SUMF1: variants seen among roughly 807,000 people sequenced by gnomAD.
SUMF1 encodes sulfatase modifying factor 1.
Under a neutral mutation model 47.6 loss-of-function variants are expected in SUMF1, and 48 were observed. The ratio of observed to expected loss-of-function variants is 1.01; its 90% CI spans 0.80 to 1.28. The LOEUF (loss-of-function observed/expected upper bound fraction) is 1.28. Among genes scored for constraint, SUMF1 ranks in the 50% most tolerant of loss-of-function variants. The probability of loss-of-function intolerance (pLI) is 0.00; values close to 1 mark genes in which losing one functional copy is unlikely to be tolerated. For synonymous variants in SUMF1, 230 were observed against 192.1 expected (o/e 1.20, Z -1.63); for missense variants, 571 against 485.4 (o/e 1.18, Z -1.66).
chr3:4,332,915 A>C (rs1158787668), intron 8 of SUMF1, among the ~76,000 whole-genome samples: 4 of 152,192 alleles, frequency 2.6e-5, no homozygotes, highest in Non-Finnish European at 4.4e-5. Context: ...GGCAACAAGC[A>C]GACAAATGGT....
intron 8 of SUMF1, among the ~76,000 whole-genome samples, chr3:4,362,647 C>T (rs550506415): frequency 3.9e-5 from 6 of 152,248 alleles, no homozygotes; most frequent in Non-Finnish European, 5.9e-5. Flanking sequence ...TGAGGCCAGG[C>T]GCACTGGCTC....
At chr3:4,357,176 G>A (rs1048224956), downstream of SUMF1, among the ~76,000 whole-genome samples, 3 of 152,116 alleles carry the variant, frequency 2.0e-5, no homozygotes, top group South Asian at 2.1e-4. Flanking sequence ...AGGAAGGAGG[G>A]AAGGAGGGAG....
At chr3:4,428,468 C>T (rs59141665) in intron 3 of SUMF1, among the ~76,000 whole-genome samples, 50,186 of 152,014 alleles carry the variant, frequency 0.33, 9,139 homozygotes, top group Middle Eastern at 0.43. Context: ...ATCCTCCCAC[C>T]TCAGCCTTAC....
chr3:4,453,751 C>G (rs1703059758), intron 1 of SUMF1, among the ~76,000 whole-genome samples: 1 of 152,022 alleles, frequency 6.6e-6, no homozygotes, highest in African/African-American at 2.4e-5. Flanking sequence ...CCAGGCTGGT[C>G]TTGAACTCCT....
chr3:4,045,637 G>A (rs967279634), intron 9 of SUMF1, among the ~76,000 whole-genome samples: 1 of 151,844 alleles, frequency 6.6e-6, no homozygotes, highest in African/African-American at 2.4e-5. Context: ...TTCCTAACAG[G>A]CCTTGTGATT....
intron 8 of SUMF1, among the ~76,000 whole-genome samples, chr3:4,355,966 G>T (rs1426137708): frequency 6.6e-6 from 1 of 152,174 alleles, no homozygotes; most frequent in African/African-American, 2.4e-5. Flanking sequence ...AATAGGGCAA[G>T]TTTCAGGAAA....
intron 8 of SUMF1, among the ~76,000 whole-genome samples, chr3:4,187,714 G>A (rs1485327446): frequency 6.6e-6 from 1 of 152,130 alleles, no homozygotes; most frequent in Non-Finnish European, 1.5e-5. Flanking sequence ...GTGTAGAGGA[G>A]TGACTATGTT....
At chr3:4,050,596 C>T (rs750027730) in intron 9 of SUMF1, among the ~76,000 whole-genome samples, 54 of 150,936 alleles carry the variant, frequency 3.6e-4, no homozygotes, top group Non-Finnish European at 5.9e-4. Context: ...ACAAAAAATT[C>T]GTCAGGTGTG....
intron 8 of SUMF1, among the ~76,000 whole-genome samples, chr3:4,072,337 T>A (rs1695547370): frequency 6.6e-6 from 1 of 151,862 alleles, no homozygotes; most frequent in South Asian, 2.1e-4. Context: ...GTCACCAACA[T>A]CAAAGACCAA....
chr3:4,266,095 G>A (rs1455746273), intron 8 of SUMF1, among the ~76,000 whole-genome samples: 1 of 152,176 alleles, frequency 6.6e-6, no homozygotes, highest in Non-Finnish European at 1.5e-5. Context: ...CTAGATCTCT[G>A]TTTTGATACC....
intron 8 of SUMF1, among the ~76,000 whole-genome samples, chr3:4,230,068 G>T (rs930113558): frequency 6.7e-6 from 1 of 148,178 alleles, no homozygotes; most frequent in Admixed American, 6.8e-5. Flanking sequence ...ATTTACGATA[G>T]TTTTTTTTTT....
rs112722092 is a variant in SUMF1, at chr3:4,466,960, G to C, written c.270+16C>G. On this transcript the variant is annotated intron_variant, in intron 1 of 8. Coordinates refer to ENST00000272902, the MANE Select transcript of SUMF1 (RefSeq NM_182760.4). ...CCGAGCAGCCCCCACCCGCCTCGGA[G>C]GAATCGATGGAGCACCTTTGAGTGC... is the stretch of plus-strand genomic sequence containing the variant. The C allele has an allele frequency of 6.2e-7, 1 of 1,604,876 alleles. No homozygotes were observed. The highest frequency in any genetic ancestry group is 1.3e-5 in the African/African-American group (1 of 74,900).
chr3:4,169,060 T>C (rs1459993832), intron 8 of SUMF1, among the ~76,000 whole-genome samples: 1 of 152,182 alleles, frequency 6.6e-6, no homozygotes, highest in Non-Finnish European at 1.5e-5. Context: ...AAAACTGTAA[T>C]TGTTGTCTCT....
intron 8 of SUMF1, among the ~76,000 whole-genome samples, chr3:4,344,167 C>G (rs1337331754): frequency 6.6e-6 from 1 of 152,190 alleles, no homozygotes; most frequent in African/African-American, 2.4e-5. Flanking sequence ...CCAAGGTATC[C>G]AGGTTCTCTC....
chr3:4,193,569 T>C (rs1695367115), intron 8 of SUMF1, among the ~76,000 whole-genome samples: 1 of 152,080 alleles, frequency 6.6e-6, no homozygotes, highest in African/African-American at 2.4e-5. Context: ...CAGAATTGTA[T>C]TACAGCATTA....
intron 8 of SUMF1, among the ~76,000 whole-genome samples, chr3:4,089,976 A>G (rs933290209): frequency 2.6e-5 from 4 of 152,046 alleles, no homozygotes; most frequent in Non-Finnish European, 4.4e-5. Flanking sequence ...TAGTTACACA[A>G]TTATCTTTTT....
chr3:4,046,553 CCAGT>C (rs1217653060), intron 9 of SUMF1, among the ~76,000 whole-genome samples: 1 of 152,148 alleles, frequency 6.6e-6, no homozygotes, highest in Non-Finnish European at 1.5e-5. Flanking sequence ...TAGCACATAT[CCAGT>C]CATTCAAGGA....
chr3:4,240,045 G>T (rs1464855164), intron 8 of SUMF1, among the ~76,000 whole-genome samples: 1 of 152,124 alleles, frequency 6.6e-6, no homozygotes, highest in Admixed American at 6.5e-5. Flanking sequence ...TTTGTCATTA[G>T]TTCTGTTTAT....
intron 3 of SUMF1, among the ~76,000 whole-genome samples, chr3:4,425,760 C>T (rs1702048800): frequency 6.6e-6 from 1 of 152,130 alleles, no homozygotes; most frequent in Non-Finnish European, 1.5e-5. Flanking sequence ...AAAGACATAC[C>T]TGAAACTGGG....
Sources: gnomAD v4.1 joint callset for allele counts (sites outside exome capture counted in the v4.1 genomes callset) on GRCh38, gnomAD v4.1.1 for gene constraint, MANE v1.5 for transcripts, NCBI Gene and HGNC (gene_info 2026-07-23, HGNC 2026-07-21) for gene names.